Variants in SLC14A2 observed in about 807,000 individuals in gnomAD.
SLC14A2 encodes urea transporter 2.
Under a neutral mutation model 104.6 loss-of-function variants are expected in SLC14A2, and 91 were observed. The observed-to-expected ratio is 0.87, with a 90% CI of 0.73 to 1.04. SLC14A2 has a LOEUF of 1.04. Ranked by LOEUF, SLC14A2 falls within the 50% of genes least tolerant of loss-of-function variation. The probability of loss-of-function intolerance (pLI) is 0.00; values close to 1 mark genes in which losing one functional copy is unlikely to be tolerated. For synonymous variants in SLC14A2, 476 were observed against 466.4 expected (o/e 1.02, Z -0.27); for missense variants, 1,189 against 1,156.0 (o/e 1.03, Z -0.41).
At chr18:45,170,080 T>C in the SLC14A2 span, among the ~76,000 whole-genome samples, 1 of 152,206 alleles carries the variant, frequency 6.6e-6, no homozygotes, top group East Asian at 1.9e-4. Flanking sequence ...AGCTGATTCT[T>C]GAAGAAAGAA....
At chr18:45,608,626 G>T (rs964055455) in intron 2 of SLC14A2, among the ~76,000 whole-genome samples, 4 of 152,192 alleles carry the variant, frequency 2.6e-5, no homozygotes, top group Non-Finnish European at 4.4e-5. Flanking sequence ...CATCTTTTCA[G>T]AGTTTTGGCT....
the SLC14A2 span, among the ~76,000 whole-genome samples, chr18:45,201,671 A>G: frequency 8.5e-5 from 13 of 152,088 alleles, no homozygotes; most frequent in Non-Finnish European, 5.9e-5. Flanking sequence ...TTCTCCAAGG[A>G]GTCTTTGTTT....
At chr18:45,317,488 A>G (rs1004301482) in intron 1 of SLC14A2, among the ~76,000 whole-genome samples, 2 of 152,232 alleles carry the variant, frequency 1.3e-5, no homozygotes, top group East Asian at 3.9e-4. Context: ...AGAAAGATCC[A>G]TGAGAGAGAA....
chr18:45,409,429 A>G (rs1259932033), intron 1 of SLC14A2, among the ~76,000 whole-genome samples: 1 of 152,110 alleles, frequency 6.6e-6, no homozygotes, highest in East Asian at 1.9e-4. Flanking sequence ...CGTAATCTTC[A>G]TTCTTGAGTC....
chr18:45,192,667 G>GTTTTGTTTTGTTTTGTTTTGT, the SLC14A2 span, among the ~76,000 whole-genome samples: 62 of 149,890 alleles, frequency 4.1e-4, 1 homozygote, highest in African/African-American at 1.4e-3. Flanking sequence ...GTTTTGTTTT[G>GTTTTGTTTTGTTTTGTTTTGT]TTTTTTTGAG....
intron 1 of SLC14A2, among the ~76,000 whole-genome samples, chr18:45,318,652 TG>T (rs1408958192): frequency 2.0e-5 from 3 of 151,766 alleles, no homozygotes; most frequent in Non-Finnish European, 4.4e-5. Context: ...CTGGGCATGG[TG>T]GTGGGTGCCT....
the SLC14A2 span, among the ~76,000 whole-genome samples, chr18:45,199,845 G>C: frequency 6.6e-6 from 1 of 152,170 alleles, no homozygotes; most frequent in South Asian, 2.1e-4. Context: ...GATCATGTGA[G>C]AATCTTGACT....
intron 1 of SLC14A2, among the ~76,000 whole-genome samples, chr18:45,305,683 T>C (rs1231942264): frequency 2.0e-5 from 3 of 152,222 alleles, no homozygotes; most frequent in Admixed American, 2.0e-4. Context: ...TATTAATTGC[T>C]GTGTGTAGCG....
chr18:45,505,680 G>A (rs1001016019), intron 2 of SLC14A2, among the ~76,000 whole-genome samples: 1 of 151,696 alleles, frequency 6.6e-6, no homozygotes, highest in South Asian at 2.1e-4. Flanking sequence ...TCGGCCCCCC[G>A]AGCACCCACA....
chr18:45,639,454 G>A (rs990308957), intron 6 of SLC14A2, among the ~76,000 whole-genome samples: 2 of 152,156 alleles, frequency 1.3e-5, no homozygotes, highest in Non-Finnish European at 2.9e-5. Flanking sequence ...GGGAGGAGGT[G>A]CATTCTGGTC....
intron 1 of SLC14A2, among the ~76,000 whole-genome samples, chr18:45,237,605 A>G (rs970690610): frequency 1.5e-4 from 23 of 152,330 alleles, no homozygotes; most frequent in African/African-American, 5.5e-4. Flanking sequence ...CTGCCCAAGC[A>G]TTGGCTGGTT....
chr18:45,581,154 G>A (rs1050312165), intron 2 of SLC14A2, among the ~76,000 whole-genome samples: 1 of 152,206 alleles, frequency 6.6e-6, no homozygotes, highest in African/African-American at 2.4e-5. Context: ...GACGAAAAGA[G>A]CAGTGATTGT....
intron 1 of SLC14A2, among the ~76,000 whole-genome samples, chr18:45,346,218 C>T (rs1392372086): frequency 6.6e-6 from 1 of 152,146 alleles, no homozygotes; most frequent in Non-Finnish European, 1.5e-5. Flanking sequence ...TACAGTGGCA[C>T]AATCTCAGCT....
intron 10 of SLC14A2, among the ~76,000 whole-genome samples, chr18:45,651,198 C>A (rs931506373): frequency 1.3e-5 from 2 of 152,030 alleles, no homozygotes; most frequent in African/African-American, 2.4e-5. Flanking sequence ...GCCAAAGGAG[C>A]CATTTCTGAG....
At chr18:45,497,533 G>A (rs1200856652) in intron 2 of SLC14A2, among the ~76,000 whole-genome samples, 1 of 152,106 alleles carries the variant, frequency 6.6e-6, no homozygotes, top group African/African-American at 2.4e-5. Flanking sequence ...TTTTTCAAGG[G>A]TGGCCAGACA....
intron 3 of SLC14A2, 73 bp downstream of exon 3, chr18:45,625,936 C>G: frequency 8.5e-7 from 1 of 1,183,074 alleles, no homozygotes; most frequent in Non-Finnish European, 1.1e-6. Flanking sequence ...CCGGTTTGGT[C>G]CAAAGCTTCT....
chr18:45,618,266 A>G lies in SLC14A2; in HGVS notation c.-35+2684A>G, dbSNP rs142264592. ...ATTTATGGAAACTCTCCTTGCATCA[A>G]TTGCAAGGTCTTAGGCAAAATATAT... On this transcript the variant is annotated intron_variant, in intron 1 of 19. Coordinates refer to ENST00000255226, the MANE Select transcript of SLC14A2 (RefSeq NM_007163.4). 9.8e-5 allele frequency among the ~76,000 whole-genome samples: 15 copies of G among 152,332 alleles called. 1 individual carries two copies. Among genetic ancestry groups the G allele is most frequent in the East Asian group, 1.9e-4 (1 of 5,184 alleles).
chr18:45,291,832 G>T lies in SLC14A2; in HGVS notation c.-125+78641G>T, dbSNP rs147569937. Among the ~76,000 whole-genome samples the T allele has an allele frequency of 9.0e-3, 1,369 of 152,076 alleles. 8 individuals carry two copies. Among genetic ancestry groups the T allele is most frequent in the South Asian group, 0.035 (168 of 4,802 alleles). On this transcript the variant is annotated intron_variant, in intron 1 of 20. Transcript: ENST00000586448. The stretch of plus-strand genomic sequence containing the variant: ...TTCTGGGTTTCTCCGGGGGCGGTTG[G>T]GGGGGTGGGGAACGCTTTGGAGAAA...
chr18:45,293,801 T>A (rs180969523), intron 1 of SLC14A2, among the ~76,000 whole-genome samples: 141 of 152,300 alleles, frequency 9.3e-4, no homozygotes, highest in African/African-American at 3.0e-3. Flanking sequence ...TTTGCAAAAC[T>A]CCTCTGCAGA....
Sources: gnomAD v4.1 joint callset for allele counts (sites outside exome capture counted in the v4.1 genomes callset) on GRCh38, gnomAD v4.1.1 for gene constraint, MANE v1.5 for transcripts, NCBI Gene and HGNC (gene_info 2026-07-23, HGNC 2026-07-21) for gene names.